Variants in CEP126 observed in about 807,000 individuals in gnomAD.
CEP126 encodes the protein centrosomal protein of 126 kDa.
In CEP126, 74 loss-of-function variants were observed where a neutral mutation model predicts 107.8. That is an observed-to-expected ratio of 0.69 (90% CI 0.57 to 0.83). The LOEUF is 0.83. CEP126 is among the 40% of genes least tolerant of loss of function. CEP126 has a pLI of 0.00. For missense variants in CEP126, 1,237 were observed against 1,281.9 expected (o/e 0.96, Z 0.53); for synonymous variants, 449 against 446.0 (o/e 1.01, Z -0.08).
intron 2 of CEP126, among the ~76,000 whole-genome samples, chr11:101,929,974 C>CTTTTTT (rs60650996): frequency 6.7e-5 from 8 of 118,694 alleles, no homozygotes; most frequent in East Asian, 2.7e-4. Context: ...TTAGTTAGGA[C>CTTTTTT]TTTTTTTTTT....
chr11:101,963,134 C>T lies in CEP126; in HGVS notation c.2099C>T (p.Thr700Ile). The change falls in exon 6 of 11, where the codon ACT becomes ATT. Residue 700 changes from threonine (T) to isoleucine (I), a missense_variant. Thr to Ile is a moderately conservative substitution (Grantham distance 89). Around this residue, in one of 3 missense-constraint regions of CEP126, gnomAD observed 1,134 missense variants for 1,150.5 expected, o/e 0.99. Coordinates refer to ENST00000263468, the MANE Select transcript of CEP126 (RefSeq NM_020802.4). ...GATTCTATCTCTGAAAATGTTACGACTTTAGGAGGATCTGGAGCAGACCAT... is the reference window on the plus strand; with the variant it reads ...GATTCTATCTCTGAAAATGTTACGATTTTAGGAGGATCTGGAGCAGACCAT... Reference protein sequence around the residue: ...REDSISENVTTLGGSGADHMP... With the variant: ...REDSISENVTILGGSGADHMP... 1.2e-6 allele frequency: 2 copies of T among 1,614,078 alleles called. No individual in the cohort carries two copies. Among genetic ancestry groups the T allele is most frequent in the East Asian group, 2.2e-5 (1 of 44,866 alleles).
chr11:101,992,315 T>G (rs1247400063), intron 9 of CEP126, among the ~76,000 whole-genome samples: 1 of 152,086 alleles, frequency 6.6e-6, no homozygotes, highest in Non-Finnish European at 1.5e-5. Flanking sequence ...ATGTAAAAGA[T>G]TCTGCCTGAA....
At position 101,944,429 on chromosome 11, in the gene CEP126, C is replaced by T. The variant is rs1940709008; in HGVS notation, c.394+19C>T. 2 of 1,599,144 alleles carry T rather than the reference C, an allele frequency of 1.3e-6. No individual in the cohort carries two copies. Among genetic ancestry groups the T allele is most frequent in the Non-Finnish European group, 1.7e-6 (2 of 1,175,046 alleles). On this transcript the variant is annotated intron_variant, in intron 3 of 10. Transcript: ENST00000263468. Reference sequence around the variant, plus strand: ...AAAGCAGGTGCCTTAATTTCTAGAACAGTATGAGAACATAAAGTTTTAATC... The same window carrying T: ...AAAGCAGGTGCCTTAATTTCTAGAATAGTATGAGAACATAAAGTTTTAATC...
At position 101,962,559 on chromosome 11, in the gene CEP126, T is replaced by G; in HGVS notation, c.1524T>G (p.Phe508Leu). The G allele has an allele frequency of 6.2e-7, 1 of 1,613,198 alleles. No individual in the cohort carries two copies. Among genetic ancestry groups the G allele is most frequent in the Non-Finnish European group, 8.5e-7 (1 of 1,179,374 alleles). The change falls in exon 6 of 11, where the codon TTT becomes TTG. Residue 508 changes from phenylalanine to leucine, a missense_variant. This residue lies in a region of CEP126 where 1,134 missense variants were observed against 1,150.5 expected (regional missense o/e 0.99). Coordinates refer to ENST00000263468, the MANE Select transcript of CEP126 (RefSeq NM_020802.4). Reference protein sequence around the residue: ...KDGKEEEIKYFNCNKEELPLF... With the variant: ...KDGKEEEIKYLNCNKEELPLF... ...GTAAAGAAGAAGAGATAAAATATTT[T>G]AATTGCAATAAGGAAGAGTTGCCTT...
intron 2 of CEP126, among the ~76,000 whole-genome samples, chr11:101,930,989 C>G (rs1430651321): frequency 6.6e-6 from 1 of 151,914 alleles, no homozygotes; most frequent in Non-Finnish European, 1.5e-5. Flanking sequence ...GAATTTGTGT[C>G]TTTTTGATGT....
intron 4 of CEP126, among the ~76,000 whole-genome samples, chr11:101,954,465 A>G (rs948502833): frequency 1.3e-5 from 2 of 152,224 alleles, no homozygotes; most frequent in African/African-American, 4.8e-5. Context: ...GCAAACATGT[A>G]TATATGATTA....
chr11:101,974,313 G>C (rs556096609), intron 6 of CEP126, among the ~76,000 whole-genome samples: 94 of 152,206 alleles, frequency 6.2e-4, no homozygotes, highest in African/African-American at 2.2e-3. Flanking sequence ...ATTCCCCGGG[G>C]CTATGAGAGG....
At chr11:101,922,875 C>T (rs1045881707) in intron 2 of CEP126, 115 bp downstream of exon 2, 3 of 791,598 alleles carry the variant, frequency 3.8e-6, no homozygotes, top group Non-Finnish European at 5.9e-6. Context: ...ATCTGTGAAA[C>T]ATTGATCAAG....
intron 2 of CEP126, among the ~76,000 whole-genome samples, chr11:101,935,218 A>G (rs1940559495): frequency 6.6e-6 from 1 of 151,930 alleles, no homozygotes; most frequent in Non-Finnish European, 1.5e-5. Context: ...ATTGTAAGAT[A>G]TATATATAGA....
chr11:101,989,293 T>C (rs7942191), intron 9 of CEP126, among the ~76,000 whole-genome samples: 80,497 of 152,060 alleles, frequency 0.53, 22,013 homozygotes, highest in East Asian at 0.78. Flanking sequence ...TTCTCTACCT[T>C]AACACCGTTG....
chr11:101,992,912 G>A (rs990210593), intron 10 of CEP126, 70 bp downstream of exon 10: 16 of 1,319,698 alleles, frequency 1.2e-5, no homozygotes, highest in Non-Finnish European at 1.6e-5. Flanking sequence ...CATCAATACA[G>A]GTAAGAACCC....
intron 10 of CEP126, among the ~76,000 whole-genome samples, chr11:101,996,805 A>G (rs1941446776): frequency 6.6e-6 from 1 of 152,138 alleles, no homozygotes; most frequent in Non-Finnish European, 1.5e-5. Flanking sequence ...TAATGTTCCC[A>G]TAGGTTTCCT....
intron 2 of CEP126, among the ~76,000 whole-genome samples, chr11:101,939,254 A>G (rs117822159): frequency 0.023 from 3,502 of 152,242 alleles, 83 homozygotes; most frequent in African/African-American, 0.059. Context: ...TTGAAGGTCT[A>G]TTATTGGGTT....
intron 2 of CEP126, among the ~76,000 whole-genome samples, chr11:101,933,642 T>C (rs1443622729): frequency 2.0e-5 from 3 of 152,152 alleles, no homozygotes; most frequent in Non-Finnish European, 4.4e-5. Context: ...TCACCTTATA[T>C]GTAATGACAA....
intron 2 of CEP126, among the ~76,000 whole-genome samples, chr11:101,929,487 C>G (rs1940461470): frequency 6.6e-6 from 1 of 152,156 alleles, no homozygotes; most frequent in Non-Finnish European, 1.5e-5. Flanking sequence ...TTTATTACTG[C>G]TGAGCAGGAG....
intron 2 of CEP126, among the ~76,000 whole-genome samples, chr11:101,940,705 A>G (rs1359558318): frequency 6.6e-6 from 1 of 152,210 alleles, no homozygotes; most frequent in African/African-American, 2.4e-5. Flanking sequence ...GAACCAAGCC[A>G]GTTGTCTCTC....
At chr11:101,928,806 A>C (rs371907821) in intron 2 of CEP126, among the ~76,000 whole-genome samples, 140 of 152,336 alleles carry the variant, frequency 9.2e-4, no homozygotes, top group African/African-American at 3.2e-3. Flanking sequence ...TAAGTCTTCA[A>C]ATCATGTAGG....
intron 3 of CEP126, among the ~76,000 whole-genome samples, chr11:101,944,951 A>G (rs970383894): frequency 1.3e-5 from 2 of 152,204 alleles, no homozygotes; most frequent in Non-Finnish European, 2.9e-5. Flanking sequence ...AAAGCTTCAT[A>G]AAGAATAGTG....
intron 6 of CEP126, among the ~76,000 whole-genome samples, chr11:101,966,970 T>G (rs1385442071): frequency 2.0e-5 from 3 of 151,784 alleles, no homozygotes; most frequent in African/African-American, 7.3e-5. Context: ...CTACTGGGCT[T>G]CTTTAGTCCA....
Sources: allele counts gnomAD v4.1 joint callset (sites outside exome capture counted in the v4.1 genomes callset), GRCh38; gene constraint gnomAD v4.1.1; regional missense constraint gnomAD v4.1.1; transcripts MANE v1.5; gene names NCBI Gene and HGNC (gene_info 2026-07-23, HGNC 2026-07-21).